The following STAB2 variants were observed in gnomAD, a reference collection of about 807,000 sequenced individuals.
The protein encoded by STAB2 is stabilin-2.
STAB2 carries 288 observed loss-of-function variants against 338.1 expected under a neutral mutation model. That is an observed-to-expected ratio of 0.85 (90% CI 0.77 to 0.94). The LOEUF (loss-of-function observed/expected upper bound fraction) is 0.94. STAB2 is among the 40% of genes least tolerant of loss of function. The probability of loss-of-function intolerance (pLI) is 0.00; values close to 1 mark genes in which losing one functional copy is unlikely to be tolerated. For missense variants in STAB2, 3,141 were observed against 3,210.1 expected (o/e 0.98, Z 0.52); for synonymous variants, 1,202 against 1,193.3 (o/e 1.01, Z -0.15).
intron 25 of STAB2, among the ~76,000 whole-genome samples, chr12:103,682,462 G>A (rs1159027997): frequency 6.6e-6 from 1 of 152,190 alleles, no homozygotes; most frequent in Non-Finnish European, 1.5e-5. Context: ...GACAAACCGT[G>A]CTGGAGCCAA....
intron 33 of STAB2, among the ~76,000 whole-genome samples, chr12:103,697,748 G>T (rs1040018895): frequency 6.6e-6 from 1 of 152,190 alleles, no homozygotes; most frequent in Non-Finnish European, 1.5e-5. Context: ...ATAAATGAAA[G>T]GTTAAAGTGA....
chr12:103,705,920 G>C (rs1345750748), intron 37 of STAB2, among the ~76,000 whole-genome samples, 193 bp downstream of exon 37: 1 of 152,170 alleles, frequency 6.6e-6, no homozygotes, highest in African/African-American at 2.4e-5. Context: ...TCCAGAAAAT[G>C]GGTAAAAGCT....
chr12:103,699,632 C>T (rs1030723599), intron 34 of STAB2, among the ~76,000 whole-genome samples: 1 of 152,194 alleles, frequency 6.6e-6, no homozygotes, highest in African/African-American at 2.4e-5. Context: ...CGTGGGAATT[C>T]AGGATGAGAT....
At chr12:103,691,465 G>T (rs187440685) in intron 30 of STAB2, among the ~76,000 whole-genome samples, 1 of 152,304 alleles carries the variant, frequency 6.6e-6, no homozygotes, top group Admixed American at 6.5e-5. Context: ...TGGTGACATT[G>T]AAGTTATTTT....
At chr12:103,700,548 CCTATTGTGTAATA>C (rs1878772296) in intron 34 of STAB2, among the ~76,000 whole-genome samples, 2 of 152,166 alleles carry the variant, frequency 1.3e-5, no homozygotes, top group African/African-American at 4.8e-5. Context: ...GATAAGTCTA[CCTATTGTGTAATA>C]ACTTGGAAGA....
At chr12:103,708,381 C>A in intron 38 of STAB2, 60 bp from the exon 39 acceptor site, 1 of 1,540,996 alleles carries the variant, frequency 6.5e-7, no homozygotes, top group Non-Finnish European at 9.0e-7. Context: ...TAGTAAATGA[C>A]AAATGAGTTA....
intron 26 of STAB2, among the ~76,000 whole-genome samples, chr12:103,684,541 T>C (rs547894802): frequency 2.0e-5 from 3 of 152,310 alleles, no homozygotes; most frequent in Admixed American, 2.0e-4. Context: ...TGTGAGTAGC[T>C]ATTGCAAGTT....
intron 44 of STAB2, among the ~76,000 whole-genome samples, chr12:103,720,221 T>TAA (rs370592859): frequency 4.6e-5 from 7 of 151,492 alleles, no homozygotes; most frequent in African/African-American, 1.7e-4. Flanking sequence ...TCATGTTTTG[T>TAA]AAAAAAAAAT....
chr12:103,703,123 T>C, intron 34 of STAB2, 25 bp from the exon 35 acceptor site: 2 of 1,602,912 alleles, frequency 1.2e-6, no homozygotes, highest in Non-Finnish European at 1.7e-6. Flanking sequence ...TCATAAAAAG[T>C]GACATTTAAC....
Position 103,654,556 on chromosome 12 carries a change from A to G in STAB2, c.1409A>G (p.Asp470Gly), listed in dbSNP as rs757620461. 2.5e-6 allele frequency: 4 copies of G among 1,613,742 alleles called. No homozygotes were observed. The Admixed American group carries it at 6.7e-5, about 27-fold the overall frequency. Residue 470 changes from aspartate to glycine, a missense_variant and splice_region_variant, in exon 13 of 69, where the codon GAC becomes GGC. By Grantham distance (94) the Asp-to-Gly change is moderately conservative. Coordinates refer to ENST00000388887, the MANE Select transcript of STAB2 (RefSeq NM_017564.10). ...TTTTATCTTTCTTTGGTGTTTTAGG[A>G]CAATCAAATAAAGCTTAAACTCCAT... ...KSGEIFNSDK[D>G]NQIKLKLHGG...
At chr12:103,620,682 C>T in intron 4 of STAB2, 129 bp downstream of exon 4, 5 of 825,978 alleles carry the variant, frequency 6.1e-6, no homozygotes, top group South Asian at 1.8e-5. Context: ...CAGCGAAGTT[C>T]TTAAGCAGTG....
At chr12:103,746,017 C>T (rs533578395) in intron 57 of STAB2, among the ~76,000 whole-genome samples, 2 of 152,286 alleles carry the variant, frequency 1.3e-5, no homozygotes, top group South Asian at 4.1e-4. Context: ...CAGGGCATGG[C>T]GAGGCCCTAC....
intron 8 of STAB2, 121 bp from the exon 9 acceptor site, chr12:103,640,002 C>T: frequency 1.6e-6 from 2 of 1,219,916 alleles, no homozygotes; most frequent in Non-Finnish European, 2.2e-6. Context: ...AGTTTAAGTC[C>T]ACACTTCAGA....
At chr12:103,750,298 C>G (rs765269263) in intron 59 of STAB2, among the ~76,000 whole-genome samples, 1 of 152,186 alleles carries the variant, frequency 6.6e-6, no homozygotes, top group Non-Finnish European at 1.5e-5. Context: ...GAACATAAAT[C>G]AGGCCAATGT....
chr12:103,686,835 G>A (rs778792222), intron 27 of STAB2, among the ~76,000 whole-genome samples: 11 of 152,006 alleles, frequency 7.2e-5, no homozygotes, highest in Middle Eastern at 3.4e-3. Context: ...CAGTTTAGCC[G>A]CCACCTCCCC....
rs1167863849 is a variant in STAB2 at position 103,742,489 on chromosome 12, A to G, written c.5966A>G (p.Asn1989Ser). The G allele has an allele frequency of 1.2e-6, 2 of 1,614,102 alleles. No individual in the cohort carries two copies. The highest frequency in any genetic ancestry group is 1.7e-6 in the Non-Finnish European group (2 of 1,180,018). ...QYSATGECKC[N>S]TGFNGTACEM... ...TCGGCCACCGGAGAGTGTAAATGCA[A>G]CACCGGCTTCAATGGGACGGCGTGT... The change falls in exon 56 of 69, where the codon AAC becomes AGC. Residue 1989 changes from asparagine to serine, a missense_variant. Physicochemically the swap from Asn to Ser is conservative, Grantham distance 46. Transcript: ENST00000388887.
At chr12:103,642,072 G>T (rs1872967046) in intron 9 of STAB2, among the ~76,000 whole-genome samples, 1 of 152,190 alleles carries the variant, frequency 6.6e-6, no homozygotes, top group African/African-American at 2.4e-5. Flanking sequence ...CCCCTGGGGT[G>T]ACCTTAGGCA....
At chr12:103,611,201 G>A (rs1957116387) in intron 3 of STAB2, among the ~76,000 whole-genome samples, 1 of 152,128 alleles carries the variant, frequency 6.6e-6, no homozygotes, top group African/African-American at 2.4e-5. Context: ...ATGTCTATTA[G>A]GTCCGCATGG....
In STAB2 at chr12:103,715,974, G is replaced by A. The variant is rs528489310; in HGVS notation, c.4611+86G>A. 1,076 of 1,393,700 alleles carry A rather than the reference G, an allele frequency of 7.7e-4. 4 individuals are homozygous for A. The highest frequency in any genetic ancestry group is 4.7e-3 in the Middle Eastern group (21 of 4,482). The allele number at this position is 1,393,700 out of a possible 1,614,324, so 86.3% of individuals were successfully genotyped here. On this transcript the variant is annotated intron_variant, in intron 43 of 68. Transcript: ENST00000388887. The stretch of plus-strand genomic sequence containing the variant: ...CACAGGCCTGAGAGAAAGAGGCTGA[G>A]AACGGACCTCTAAAGAGCTGCAGCT...
Sources: allele counts gnomAD v4.1 joint callset (sites outside exome capture counted in the v4.1 genomes callset), GRCh38; gene constraint gnomAD v4.1.1; transcripts MANE v1.5; gene names NCBI Gene and HGNC (gene_info 2026-07-23, HGNC 2026-07-21).